The following HDAC8 variants were observed in gnomAD, a reference collection of about 807,000 sequenced individuals.
HDAC8 encodes the protein histone deacetylase-like 1.
In HDAC8, 1 loss-of-function variant was observed where a neutral mutation model predicts 32.2. That is an observed-to-expected ratio of 0.03 (90% CI 0.01 to 0.15). HDAC8 has a LOEUF of 0.15. Ranked by LOEUF, HDAC8 falls within the 10% of genes least tolerant of loss-of-function variation. HDAC8 has a pLI of 1.00. For synonymous variants in HDAC8, 108 were observed against 113.9 expected (o/e 0.95, Z 0.33); for missense variants, 117 against 300.0 (o/e 0.39, Z 4.51).
chrX:72,442,080 G>A (rs1325149647), intron 9 of HDAC8, among the ~76,000 whole-genome samples: 2 of 111,050 alleles, frequency 1.8e-5, no homozygotes, highest in Non-Finnish European at 3.8e-5. Context: ...GAAAGTGACG[G>A]GGAGAATGGA....
At chrX:72,473,831 G>A in intron 7 of HDAC8, 1 of 754,463 alleles carries the variant, frequency 1.3e-6, no homozygotes, top group Non-Finnish European at 1.6e-6. Context: ...AAAACCTTCA[G>A]TGGCTCCCAA....
At chrX:72,429,877 C>A (rs782082644) in intron 9 of HDAC8, among the ~76,000 whole-genome samples, 10 of 111,924 alleles carry the variant, frequency 8.9e-5, no homozygotes, top group African/African-American at 1.3e-4. Context: ...GCTGCTGCAG[C>A]AATCAGAACC....
chrX:72,526,587 T>G (rs782749069), intron 4 of HDAC8, among the ~76,000 whole-genome samples: 1 of 111,272 alleles, frequency 9.0e-6, no homozygotes, highest in Non-Finnish European at 1.9e-5. Context: ...AATAAATATT[T>G]GTTGAATTAA....
rs1457897387 is a variant in HDAC8, at chrX:72,534,864, T to A, written c.437+33025A>T. ...AGATGCCCTTTAGAAATTTATTCAC[T>A]TCATACATTTTGGGTGTTTAACTGC... is the stretch of plus-strand genomic sequence containing the variant. On this transcript the variant is annotated intron_variant, in intron 4 of 10. Transcript: ENST00000373573. Among the ~76,000 whole-genome samples the A allele has an allele frequency of 3.6e-5, 4 of 112,016 alleles. No individual in the cohort carries two copies. The East Asian group carries it at 8.5e-4, about 24-fold the overall frequency.
At chrX:72,425,294 CT>C (rs781990752) in intron 9 of HDAC8, among the ~76,000 whole-genome samples, 5 of 110,673 alleles carry the variant, frequency 4.5e-5, no homozygotes, top group East Asian at 2.8e-4. Flanking sequence ...TTTAAGTTGA[CT>C]TTTTTTTTGA....
chrX:72,521,324 A>G (rs1344658146), intron 4 of HDAC8, among the ~76,000 whole-genome samples: 1 of 110,863 alleles, frequency 9.0e-6, no homozygotes, highest in Admixed American at 9.6e-5. Context: ...AGCACTATAG[A>G]CTATGCTATA....
chrX:72,457,586 ATACCATT>A (rs1461539613), intron 9 of HDAC8, among the ~76,000 whole-genome samples: 1 of 112,368 alleles, frequency 8.9e-6, no homozygotes, highest in Non-Finnish European at 1.9e-5. Flanking sequence ...TGAAATGAAA[ATACCATT>A]TACATAGGAT....
chrX:72,415,523 CT>C (rs1278730168), intron 9 of HDAC8, among the ~76,000 whole-genome samples: 2 of 112,117 alleles, frequency 1.8e-5, no homozygotes, highest in African/African-American at 6.5e-5. Context: ...TTGGAGAGAA[CT>C]GAAATCTTTA....
chrX:72,390,093 G>C (rs1413343197), intron 9 of HDAC8, among the ~76,000 whole-genome samples: 2 of 110,816 alleles, frequency 1.8e-5, no homozygotes, highest in Admixed American at 1.9e-4. Flanking sequence ...GAGATATTTT[G>C]ATACAGGCAT....
chrX:72,436,508 TC>T, intron 9 of HDAC8, among the ~76,000 whole-genome samples: 1 of 109,998 alleles, frequency 9.1e-6, no homozygotes, highest in South Asian at 3.9e-4. Flanking sequence ...GAAAGGGAAA[TC>T]AAGACATTCT....
intron 9 of HDAC8, among the ~76,000 whole-genome samples, chrX:72,366,107 G>A (rs782153417): frequency 5.4e-5 from 6 of 112,016 alleles, no homozygotes; most frequent in African/African-American, 9.7e-5. Context: ...CAATCCAGAC[G>A]GAAGACAAAG....
chrX:72,548,388 T>C (rs2050937061), intron 4 of HDAC8, among the ~76,000 whole-genome samples: 1 of 112,112 alleles, frequency 8.9e-6, no homozygotes, highest in African/African-American at 3.2e-5. Context: ...TCTGCCATTA[T>C]CTACTTTATA....
intron 4 of HDAC8, among the ~76,000 whole-genome samples, chrX:72,510,908 T>C (rs781874394): frequency 3.6e-5 from 4 of 112,158 alleles, no homozygotes; most frequent in South Asian, 7.4e-4. Context: ...TTTTCTTTTA[T>C]GTACTCTGTT....
At chrX:72,516,089 G>A (rs1209557017) in intron 4 of HDAC8, among the ~76,000 whole-genome samples, 3 of 112,059 alleles carry the variant, frequency 2.7e-5, no homozygotes, top group African/African-American at 9.7e-5. Flanking sequence ...AGCCATTGGA[G>A]GGTTCTGAGC....
chrX:72,542,774 A>T (rs781783956), intron 4 of HDAC8, among the ~76,000 whole-genome samples: 1 of 112,218 alleles, frequency 8.9e-6, no homozygotes, highest in Admixed American at 9.4e-5. Context: ...GAGTCCTTCA[A>T]TTTTTGGCAT....
chrX:72,566,486 G>A (rs2051794776), intron 4 of HDAC8, among the ~76,000 whole-genome samples: 1 of 112,018 alleles, frequency 8.9e-6, no homozygotes, highest in African/African-American at 3.2e-5. Flanking sequence ...CTTTTTCAAG[G>A]ACTTCCTTGG....
intron 9 of HDAC8, among the ~76,000 whole-genome samples, chrX:72,444,020 G>T (rs2047277970): frequency 9.1e-6 from 1 of 109,385 alleles, no homozygotes; most frequent in East Asian, 2.9e-4. Flanking sequence ...CCAATAAGAG[G>T]CTCTGAAATT....
chrX:72,502,580 A>G (rs2049257782), intron 4 of HDAC8, among the ~76,000 whole-genome samples: 1 of 111,451 alleles, frequency 9.0e-6, no homozygotes, highest in Non-Finnish European at 1.9e-5. Flanking sequence ...TTTACCAAGT[A>G]ACAGACCTTT....
chrX:72,484,963 C>T lies in HDAC8; in HGVS notation c.737+3970G>A, dbSNP rs1268043155. Among the ~76,000 whole-genome samples the T allele has an allele frequency of 3.6e-5, 4 of 111,669 alleles. No homozygotes were observed. In the Admixed American group the frequency reaches 3.8e-4, roughly 11 times the overall value. ...GTTAAACATAGGCAGCGTAATATTT[C>T]CTGTCTCAGATGATAAAACTTGGGA... On this transcript the variant is annotated intron_variant, in intron 7 of 10. Transcript: ENST00000373573.
Sources: allele counts gnomAD v4.1 joint callset (sites outside exome capture counted in the v4.1 genomes callset), GRCh38; gene constraint gnomAD v4.1.1; transcripts MANE v1.5; gene names NCBI Gene and HGNC (gene_info 2026-07-23, HGNC 2026-07-21).